Variants in ATP10B observed in about 807,000 individuals in gnomAD.
ATP10B encodes ATPase phospholipid transporting 10B (putative).
In ATP10B, 122 loss-of-function variants were observed where a neutral mutation model predicts 141.2. The ratio of observed to expected loss-of-function variants is 0.86; its 90% CI spans 0.75 to 1.00. The LOEUF (loss-of-function observed/expected upper bound fraction) is 1.00. ATP10B is among the 50% of genes least tolerant of loss of function. The pLI, the probability that ATP10B is intolerant of heterozygous loss-of-function variation, is 0.00. For synonymous variants in ATP10B, 685 were observed against 692.0 expected (o/e 0.99, Z 0.16); for missense variants, 1,876 against 1,825.3 (o/e 1.03, Z -0.51).
At chr5:160,677,233 T>C (rs771364216) in intron 6 of ATP10B, among the ~76,000 whole-genome samples, 31 of 152,192 alleles carry the variant, frequency 2.0e-4, no homozygotes, top group Admixed American at 2.0e-4. Flanking sequence ...TAAAGCATTC[T>C]CTCCTGAAAT....
intron 2 of ATP10B, among the ~76,000 whole-genome samples, chr5:160,748,531 C>A (rs1767955630): frequency 6.6e-6 from 1 of 152,210 alleles, no homozygotes; most frequent in African/African-American, 2.4e-5. Context: ...CTCTCTAGTT[C>A]TCCTGCCTCC....
the ATP10B span, among the ~76,000 whole-genome samples, chr5:160,912,763 A>G: frequency 6.6e-6 from 1 of 152,178 alleles, no homozygotes; most frequent in Non-Finnish European, 1.5e-5. Context: ...AGTTAAATTA[A>G]GTGTGCTTTT....
At chr5:160,621,089 A>C in intron 14 of ATP10B, 139 bp from the exon 15 acceptor site, 2 of 1,045,074 alleles carry the variant, frequency 1.9e-6, no homozygotes, top group Non-Finnish European at 2.8e-6. Flanking sequence ...CTAAGCATTG[A>C]CAATGGTCAT....
chr5:160,671,868 C>A (rs553983491), intron 6 of ATP10B, among the ~76,000 whole-genome samples: 4 of 151,732 alleles, frequency 2.6e-5, no homozygotes, highest in Non-Finnish European at 5.9e-5. Flanking sequence ...CAGCCCGACA[C>A]CAAAACCCAC....
At chr5:160,711,851 T>C (rs1252774366) in intron 3 of ATP10B, among the ~76,000 whole-genome samples, 1 of 9,618 alleles carries the variant, frequency 1.0e-4, no homozygotes, top group Non-Finnish European at 1.8e-4. Context: ...AAAGGCTTTT[T>C]CTGCATCTAT....
At chr5:160,645,830 C>A (rs1263146746) in intron 8 of ATP10B, among the ~76,000 whole-genome samples, 1 of 152,140 alleles carries the variant, frequency 6.6e-6, no homozygotes, top group African/African-American at 2.4e-5. Context: ...TCACTGAAGC[C>A]TCATGACAAC....
At chr5:160,803,880 G>A (rs1168253530) in intron 1 of ATP10B, among the ~76,000 whole-genome samples, 1 of 151,982 alleles carries the variant, frequency 6.6e-6, no homozygotes, top group Admixed American at 6.6e-5. Context: ...GGTATTTATT[G>A]AGTGCCTCTT....
chr5:160,669,608 CTTTTTTT>C (rs5872655), intron 7 of ATP10B, among the ~76,000 whole-genome samples: 1 of 84,946 alleles, frequency 1.2e-5, no homozygotes, highest in African/African-American at 4.4e-5. Flanking sequence ...CAGTCTCTCT[CTTTTTTT>C]TTTTTTTTTT....
At chr5:160,878,418 AC>A in the ATP10B span, among the ~76,000 whole-genome samples, 5 of 152,082 alleles carry the variant, frequency 3.3e-5, no homozygotes, top group African/African-American at 1.2e-4. Context: ...TAGACCTAAA[AC>A]CATAAAAACC....
the ATP10B span, among the ~76,000 whole-genome samples, chr5:160,901,805 A>C: frequency 6.6e-6 from 1 of 152,222 alleles, no homozygotes; most frequent in Non-Finnish European, 1.5e-5. Flanking sequence ...ATACAGTAGG[A>C]CACCAATAAG....
intron 1 of ATP10B, among the ~76,000 whole-genome samples, chr5:160,805,617 C>T (rs917594710): frequency 3.3e-5 from 5 of 152,034 alleles, no homozygotes; most frequent in Non-Finnish European, 5.9e-5. Flanking sequence ...AAACCTGTCT[C>T]GCCGCCTGCC....
intron 7 of ATP10B, among the ~76,000 whole-genome samples, chr5:160,655,112 A>T (rs1422249497): frequency 6.6e-6 from 1 of 152,190 alleles, no homozygotes; most frequent in Non-Finnish European, 1.5e-5. Flanking sequence ...GAATGAATAC[A>T]TTCTCTAATT....
At chr5:160,703,475 ATATT>A (rs1764793149) in intron 3 of ATP10B, among the ~76,000 whole-genome samples, 1 of 78,348 alleles carries the variant, frequency 1.3e-5, no homozygotes, top group East Asian at 4.1e-4. Flanking sequence ...TGTCTTGATG[ATATT>A]TGTTTTTTTT....
At chr5:160,597,290 G>T (rs191091814) in intron 22 of ATP10B, among the ~76,000 whole-genome samples, 3 of 152,276 alleles carry the variant, frequency 2.0e-5, no homozygotes, top group African/African-American at 7.2e-5. Flanking sequence ...AACTAGCAAT[G>T]GGGAAAGGAT....
chr5:160,667,022 T>C (rs980594080), intron 7 of ATP10B, among the ~76,000 whole-genome samples: 5 of 151,916 alleles, frequency 3.3e-5, no homozygotes, highest in Non-Finnish European at 7.4e-5. Context: ...ATCGAGACCA[T>C]CCTGGCTAAC....
the ATP10B span, among the ~76,000 whole-genome samples, chr5:160,913,577 C>T: frequency 6.6e-6 from 1 of 152,122 alleles, no homozygotes; most frequent in Non-Finnish European, 1.5e-5. Flanking sequence ...CCCAAATCTC[C>T]CATCCTAATT....
At chr5:160,876,969 G>A in the ATP10B span, among the ~76,000 whole-genome samples, 1 of 147,238 alleles carries the variant, frequency 6.8e-6, no homozygotes, top group East Asian at 2.1e-4. Context: ...AGGAAGAACT[G>A]GTACCATTCC....
At chr5:160,844,954 T>C (rs1776028975) in intron 1 of ATP10B, among the ~76,000 whole-genome samples, 1 of 152,204 alleles carries the variant, frequency 6.6e-6, no homozygotes, top group Non-Finnish European at 1.5e-5. Context: ...ACTAATAGGA[T>C]TTGTGTGCCT....
At chr5:160,582,881 C>T (rs979697955) in intron 24 of ATP10B, among the ~76,000 whole-genome samples, 1 of 152,156 alleles carries the variant, frequency 6.6e-6, no homozygotes, top group Non-Finnish European at 1.5e-5. Flanking sequence ...GCTATTGATA[C>T]TTGTGTATGC....
Sources: allele counts gnomAD v4.1 joint callset (sites outside exome capture counted in the v4.1 genomes callset), GRCh38; gene constraint gnomAD v4.1.1; transcripts MANE v1.5; gene names NCBI Gene and HGNC (gene_info 2026-07-23, HGNC 2026-07-21).